The following PIP5K1C variants were observed in gnomAD, a reference collection of about 807,000 sequenced individuals.
PIP5K1C encodes the protein phosphatidylinositol-4-phosphate 5-kinase type 1 gamma.
Under a neutral mutation model 80.1 loss-of-function variants are expected in PIP5K1C, and 45 were observed. That is an observed-to-expected ratio of 0.56 (90% CI 0.44 to 0.72). The LOEUF (loss-of-function observed/expected upper bound fraction) is 0.72, where lower values mean the gene tolerates loss of function less well. Ranked by LOEUF, PIP5K1C falls within the 30% of genes least tolerant of loss-of-function variation. The probability of loss-of-function intolerance (pLI) is 0.00; values close to 1 mark genes in which losing one functional copy is unlikely to be tolerated. For missense variants in PIP5K1C, 753 were observed against 954.6 expected (o/e 0.79, Z 2.78); for synonymous variants, 498 against 420.1 (o/e 1.19, Z -2.27).
chr19:3,651,912 A>G lies in PIP5K1C; in HGVS notation c.1041T>C (p.Pro347=), dbSNP rs112566716. ...GAQSTSDEKR[P]VGQKALYSTA... Reference sequence around the variant, plus strand: ...TGGAGTAGAGCGCCTTCTGGCCCACAGGCCGCTTCTCATCTGAGGTGCTCT... The same window carrying G: ...TGGAGTAGAGCGCCTTCTGGCCCACGGGCCGCTTCTCATCTGAGGTGCTCT... The change falls in exon 8 of 18, where the codon CCT becomes CCC. Residue 347 remains proline (P), a synonymous_variant. Transcript: ENST00000335312. 1 of 1,612,840 alleles carries G rather than the reference A, an allele frequency of 6.2e-7. No homozygotes were observed. The highest frequency in any genetic ancestry group is 8.5e-7 in the Non-Finnish European group (1 of 1,179,932).
chr19:3,670,199 C>G (rs2035160833), intron 1 of PIP5K1C, among the ~76,000 whole-genome samples: 1 of 152,262 alleles, frequency 6.6e-6, no homozygotes, highest in Non-Finnish European at 1.5e-5. Flanking sequence ...TGGTCAGTCC[C>G]CACGCCTGCC....
intron 1 of PIP5K1C, among the ~76,000 whole-genome samples, chr19:3,680,055 G>A (rs2035537947): frequency 6.6e-6 from 1 of 152,232 alleles, no homozygotes; most frequent in Non-Finnish European, 1.5e-5. Context: ...GCAAAGGCCT[G>A]AAGCCCCACA....
chr19:3,656,589 C>T (rs1352203965), intron 5 of PIP5K1C, 32 bp from the exon 6 acceptor site: 1 of 1,611,972 alleles, frequency 6.2e-7, no homozygotes, highest in African/African-American at 1.3e-5. Flanking sequence ...CAGCGGGCCC[C>T]AAGCTGCCGG....
chr19:3,683,780 G>A (rs544432541), intron 1 of PIP5K1C, among the ~76,000 whole-genome samples: 1 of 152,010 alleles, frequency 6.6e-6, no homozygotes, highest in Non-Finnish European at 1.5e-5. Flanking sequence ...GAGGCCCCGG[G>A]GCAGGACCGT....
chr19:3,637,838 C>A lies in PIP5K1C; in HGVS notation c.1920+1046G>T, dbSNP rs1284371138. 1 of 1,535,364 alleles carries A rather than the reference C, an allele frequency of 6.5e-7. No homozygotes were observed. The highest frequency in any genetic ancestry group is 8.7e-7 in the Non-Finnish European group (1 of 1,146,686). The stretch of plus-strand genomic sequence containing the variant: ...CTGGCAGGGCATCAGGACACAGACA[C>A]ACAGCACGACATGGCCCCCAGGCCC... On this transcript the variant is annotated intron_variant, in intron 16 of 17. Coordinates refer to ENST00000335312, the MANE Select transcript of PIP5K1C (RefSeq NM_012398.3). The surrounding 1 kb of genome is among the most constrained non-coding windows in gnomAD (Gnocchi z 7.0).
At chr19:3,680,020 G>C (rs2035536662) in intron 1 of PIP5K1C, among the ~76,000 whole-genome samples, 1 of 152,214 alleles carries the variant, frequency 6.6e-6, no homozygotes, top group African/African-American at 2.4e-5. Flanking sequence ...GAACACCCTG[G>C]CTACAGCCCC....
rs1201541444 is a variant in PIP5K1C, at chr19:3,688,638, G to C, written c.94+11659C>G. Among the ~76,000 whole-genome samples, 1 of 152,166 alleles carries C rather than the reference G, an allele frequency of 6.6e-6. No individual in the cohort carries two copies. Among genetic ancestry groups the C allele is most frequent in the Non-Finnish European group, 1.5e-5 (1 of 68,034 alleles). On this transcript the variant is annotated intron_variant, in intron 1 of 17. Transcript: ENST00000335312. The surrounding 1 kb of genome is among the most constrained non-coding windows in gnomAD (Gnocchi z 5.3). ...TTGCCCCCCCAGGCATTGTCCTCAG[G>C]TGGTTTCGTGTCCCTCAGGGCTAGA...
intron 1 of PIP5K1C, among the ~76,000 whole-genome samples, chr19:3,699,259 G>GA (rs1366893102): frequency 6.7e-6 from 1 of 150,346 alleles, no homozygotes; most frequent in Non-Finnish European, 1.5e-5. Flanking sequence ...TGGCTCTGGG[G>GA]AAGGAACCGG....
In PIP5K1C at chr19:3,637,625, G is replaced by T; in HGVS notation, c.1920+1259C>A. 1 of 1,518,146 alleles carries T rather than the reference G, an allele frequency of 6.6e-7. No individual in the cohort carries two copies. Among genetic ancestry groups the T allele is most frequent in the Non-Finnish European group, 8.8e-7 (1 of 1,135,706 alleles). The allele number at this position is 1,518,146 out of a possible 1,614,324, so 94.0% of individuals were successfully genotyped here. On this transcript the variant is annotated intron_variant, in intron 16 of 17. Transcript: ENST00000335312. The surrounding 1 kb of genome is among the most constrained non-coding windows in gnomAD (Gnocchi z 7.0). ...CTCCCATCCGTGAACTGGACGGGGC[G>T]GGCCGGGTGGGCCGGAGGAGGAAGG...
intron 1 of PIP5K1C, among the ~76,000 whole-genome samples, chr19:3,679,618 C>A (rs773599101): frequency 6.6e-6 from 1 of 152,174 alleles, no homozygotes; most frequent in African/African-American, 2.4e-5. Context: ...GCGGGCTGGG[C>A]TGGATCTGGG....
Position 3,696,488 on chromosome 19 carries a change from G to A in PIP5K1C, c.94+3809C>T, listed in dbSNP as rs2036104737. Among the ~76,000 whole-genome samples, 1 of 152,104 alleles carries A rather than the reference G, an allele frequency of 6.6e-6. No individual in the cohort carries two copies. Among genetic ancestry groups the A allele is most frequent in the Non-Finnish European group, 1.5e-5 (1 of 68,002 alleles). On this transcript the variant is annotated intron_variant, in intron 1 of 17. Coordinates refer to ENST00000335312, the MANE Select transcript of PIP5K1C (RefSeq NM_012398.3). The surrounding 1 kb of genome is among the most constrained non-coding windows in gnomAD (Gnocchi z 4.1). Reference sequence around the variant, plus strand: ...ACCGGGAGGGCAGGGGACGGAGAAGGGGAGACCGCTGTGTGGTGACAGCAG... The same window carrying A: ...ACCGGGAGGGCAGGGGACGGAGAAGAGGAGACCGCTGTGTGGTGACAGCAG...
rs937383018 is a variant in PIP5K1C, at chr19:3,696,319, C to T, written c.94+3978G>A. Among the ~76,000 whole-genome samples, 4 of 152,242 alleles carry T rather than the reference C, an allele frequency of 2.6e-5. No individual in the cohort carries two copies. Among genetic ancestry groups the T allele is most frequent in the African/African-American group, 4.8e-5 (2 of 41,464 alleles). Reference sequence around the variant, plus strand: ...CTGCACTGTGCTGAGCTCTTCCGGGCGCAGGGGATGCCGCAGGAGTGGCAC... The same window carrying T: ...CTGCACTGTGCTGAGCTCTTCCGGGTGCAGGGGATGCCGCAGGAGTGGCAC... On this transcript the variant is annotated intron_variant, in intron 1 of 17. Transcript: ENST00000335312. This position sits in a 1 kb window ranked among gnomAD's most constrained non-coding sequence, Gnocchi z 4.1.
intron 1 of PIP5K1C, 134 bp from the exon 2 acceptor site, chr19:3,667,487 C>T (rs1469943480): frequency 3.1e-6 from 3 of 954,304 alleles, no homozygotes; most frequent in African/African-American, 3.2e-5. Flanking sequence ...CTCAAGGCTA[C>T]ACACAAGTGA....
rs2035977928 is a variant in PIP5K1C at position 3,692,455 on chromosome 19, G to C, written c.94+7842C>G. Among the ~76,000 whole-genome samples, 1 of 152,134 alleles carries C rather than the reference G, an allele frequency of 6.6e-6. No individual in the cohort carries two copies. Among genetic ancestry groups the C allele is most frequent in the East Asian group, 1.9e-4 (1 of 5,180 alleles). On this transcript the variant is annotated intron_variant, in intron 1 of 17. Coordinates refer to ENST00000335312, the MANE Select transcript of PIP5K1C (RefSeq NM_012398.3). This position sits in a 1 kb window ranked among gnomAD's most constrained non-coding sequence, Gnocchi z 5.2. ...GCTGAGGGCAGCTCTGTCCTTCCAG[G>C]GCTCAGGCTAAAATCTTGATTTCAA...
In PIP5K1C at chr19:3,651,984, C is replaced by G; in HGVS notation, c.969G>C (p.Val323=). 1.9e-6 allele frequency: 3 copies of G among 1,613,170 alleles called. No individual in the cohort carries two copies. In the South Asian group the frequency reaches 3.3e-5, roughly 18 times the overall value. Residue 323 remains valine (V), a synonymous_variant, in exon 8 of 18, where the codon GTG becomes GTC. Transcript: ENST00000335312. The stretch of plus-strand genomic sequence containing the variant: ...CGCGCTCGTGCTGGTCGATGTTGTG[C>G]ACGCCCAGCAGCAGGCTGTAGTCCA... ...KIMDYSLLLG[V]HNIDQHERER...
At chr19:3,673,187 C>T (rs1265065346) in intron 1 of PIP5K1C, among the ~76,000 whole-genome samples, 1 of 152,182 alleles carries the variant, frequency 6.6e-6, no homozygotes, top group Non-Finnish European at 1.5e-5. Flanking sequence ...CTCCAGCACG[C>T]CAGCGCCACC....
intron 14 of PIP5K1C, among the ~76,000 whole-genome samples, chr19:3,642,578 G>C (rs565285187): frequency 6.6e-6 from 1 of 152,324 alleles, no homozygotes; most frequent in East Asian, 1.9e-4. Context: ...CAGTCCCAGT[G>C]GTTGCTCCTG....
At chr19:3,656,178 C>T (rs933210479) in intron 6 of PIP5K1C, among the ~76,000 whole-genome samples, 2 of 152,186 alleles carry the variant, frequency 1.3e-5, no homozygotes, top group African/African-American at 4.8e-5. Flanking sequence ...TGCCCGGGGA[C>T]GGCCCCCAAG....
chr19:3,667,523 G>A, intron 1 of PIP5K1C, among the ~76,000 whole-genome samples, 170 bp from the exon 2 acceptor site: 1 of 152,244 alleles, frequency 6.6e-6, no homozygotes, highest in African/African-American at 2.4e-5. Context: ...GCGCTGGGAG[G>A]ATGTGATGAG....
Sources: gnomAD v4.1 joint callset for allele counts (sites outside exome capture counted in the v4.1 genomes callset) on GRCh38, gnomAD v4.1.1 for gene constraint, Gnocchi (gnomAD v3.1) non-coding constraint, MANE v1.5 for transcripts, NCBI Gene and HGNC (gene_info 2026-07-23, HGNC 2026-07-21) for gene names.